Variants in CALD1 observed in about 807,000 individuals in gnomAD.
The protein encoded by CALD1 is caldesmon 1.
Under a neutral mutation model 99.9 loss-of-function variants are expected in CALD1, and 33 were observed. The observed-to-expected ratio is 0.33, with a 90% CI of 0.25 to 0.44. The LOEUF is 0.44. Ranked by LOEUF, CALD1 falls within the 20% of genes least tolerant of loss-of-function variation. The probability of loss-of-function intolerance (pLI) is 1.00; values close to 1 mark genes in which losing one functional copy is unlikely to be tolerated. For missense variants in CALD1, 861 were observed against 962.1 expected, an observed-to-expected ratio of 0.89 and a Z score of 1.39; for synonymous variants, 310 against 325.0, an observed-to-expected ratio of 0.95 and a Z score of 0.50.
rs376713787 is a variant in CALD1, at chr7:134,873,175, AAAAC to A, written c.71+5395_71+5398del. On this transcript the variant is annotated intron_variant, in intron 3 of 14. Transcript: ENST00000361675. ...GCACTACAAGCTGGGCGACAGAGCAAAAACAAACAAACAAACAAACAAACAAAAC... is the reference window on the plus strand; with the variant it reads ...GCACTACAAGCTGGGCGACAGAGCAAAAACAAACAAACAAACAAACAAAAC... 5.1e-3 allele frequency among the ~76,000 whole-genome samples: 770 copies of A among 151,036 alleles called. 5 individuals carry two copies. The highest frequency in any genetic ancestry group is 0.014 in the South Asian group (64 of 4,732).
At chr7:134,863,953 AAG>A (rs1402810724) in intron 2 of CALD1, among the ~76,000 whole-genome samples, 1 of 152,174 alleles carries the variant, frequency 6.6e-6, no homozygotes, top group Non-Finnish European at 1.5e-5. Context: ...AAGGAAAGGA[AAG>A]AGAGGAAAGT....
At chr7:134,891,764 AAAAAT>A in intron 3 of CALD1, 2 of 940,972 alleles carry the variant, frequency 2.1e-6, no homozygotes, top group East Asian at 6.3e-5. Context: ...AAAAAAAAAA[AAAAAT>A]GTGGGAGTGG....
At chr7:134,938,011 G>A (rs1806127288) in intron 6 of CALD1, among the ~76,000 whole-genome samples, 1 of 152,198 alleles carries the variant, frequency 6.6e-6, no homozygotes, top group Non-Finnish European at 1.5e-5. Flanking sequence ...TAAAAGTGAT[G>A]TTCGTGTCAT....
intron 6 of CALD1, among the ~76,000 whole-genome samples, 172 bp from the exon 7 acceptor site, chr7:134,940,920 A>T (rs1806376047): frequency 6.6e-6 from 1 of 152,188 alleles, no homozygotes; most frequent in South Asian, 2.1e-4. Flanking sequence ...AGGCTAAAGG[A>T]CCATAGCTCA....
rs1225140029 is a variant in CALD1 at position 134,933,416 on chromosome 7, C to T, written c.647C>T (p.Thr216Ile). The change falls in exon 5 of 15, where the codon ACA (threonine) becomes ATA (isoleucine). Residue 216 changes from threonine to isoleucine, a missense_variant. Around this residue, in one of 5 missense-constraint regions of CALD1, gnomAD observed 234 missense variants for 233.1 expected, o/e 1.00. Coordinates refer to ENST00000361675, the MANE Select transcript of CALD1 (RefSeq NM_033138.4). The stretch of plus-strand genomic sequence containing the variant: ...GTAGAGGTGATGGTGGAAGAGAAAA[C>T]AACTGAAAGCCAGGAGGAAACAGTG... ...NQVEVMVEEK[T>I]TESQEETVVM... 3 of 1,613,134 alleles carry T rather than the reference C, an allele frequency of 1.9e-6. No individual in the cohort carries two copies. The highest frequency in any genetic ancestry group is 2.5e-6 in the Non-Finnish European group (3 of 1,179,578).
At chr7:134,728,929 G>A in the CALD1 span, among the ~76,000 whole-genome samples, 1 of 142,588 alleles carries the variant, frequency 7.0e-6, no homozygotes, top group Non-Finnish European at 1.5e-5. Context: ...TCGGCTCACT[G>A]CAACTTCCTC....
intron 3 of CALD1, among the ~76,000 whole-genome samples, chr7:134,905,252 A>G (rs1247319844): frequency 6.6e-6 from 1 of 152,138 alleles, no homozygotes; most frequent in African/African-American, 2.4e-5. Context: ...CATGATGATG[A>G]TGATAAAATT....
At chr7:134,888,564 T>C (rs1180414048) in intron 3 of CALD1, among the ~76,000 whole-genome samples, 2 of 152,214 alleles carry the variant, frequency 1.3e-5, no homozygotes, top group South Asian at 2.1e-4. Context: ...CCAGCCCTGC[T>C]CTCAGCTCAT....
At chr7:134,926,750 G>A (rs111279248) in intron 3 of CALD1, among the ~76,000 whole-genome samples, 13 of 152,128 alleles carry the variant, frequency 8.5e-5, no homozygotes, top group African/African-American at 3.1e-4. Flanking sequence ...CTACTGTTTT[G>A]TTTTAATTTG....
At chr7:134,750,979 C>T (rs901901184) in intron 1 of CALD1, among the ~76,000 whole-genome samples, 4 of 152,180 alleles carry the variant, frequency 2.6e-5, no homozygotes, top group Non-Finnish European at 5.9e-5. Flanking sequence ...TTCTCCATCA[C>T]TGTATTTTAA....
chr7:134,733,668 G>A, the CALD1 span, among the ~76,000 whole-genome samples: 1 of 151,892 alleles, frequency 6.6e-6, no homozygotes, highest in Admixed American at 6.6e-5. Flanking sequence ...AATTAGCCGG[G>A]CGTGGTGGTG....
chr7:134,791,655 G>C (rs1017284870), intron 1 of CALD1, among the ~76,000 whole-genome samples: 2 of 148,400 alleles, frequency 1.3e-5, no homozygotes, highest in Non-Finnish European at 3.0e-5. Context: ...GTGTCCCCAG[G>C]GAAATGAAAA....
chr7:134,880,267 A>G (rs1801535799), intron 3 of CALD1, among the ~76,000 whole-genome samples: 1 of 152,240 alleles, frequency 6.6e-6, no homozygotes. Context: ...CTAGGTAATG[A>G]AAGAGTCCTT....
intron 1 of CALD1, among the ~76,000 whole-genome samples, chr7:134,831,444 G>A (rs1263199935): frequency 1.3e-5 from 2 of 151,870 alleles, no homozygotes; most frequent in Non-Finnish European, 2.9e-5. Flanking sequence ...TCAGCCTCCC[G>A]AGTAGCTGGG....
intron 2 of CALD1, among the ~76,000 whole-genome samples, chr7:134,849,422 A>G (rs758763252): frequency 6.6e-6 from 1 of 152,144 alleles, no homozygotes; most frequent in Non-Finnish European, 1.5e-5. Flanking sequence ...ACCAAAATAT[A>G]CTGATGCTCA....
rs1797027097 is a variant in CALD1 at position 134,779,674 on chromosome 7, C to G, written c.-205C>G. On this transcript the variant is annotated 5_prime_UTR_variant, in exon 1 of 15. Coordinates refer to ENST00000361675, the MANE Select transcript of CALD1 (RefSeq NM_033138.4). ...GCCTGCCTGCCCGCCTGCTTGCTCT[C>G]TGGCTGTGCTCCTGCTTAAAGAAAT... 1 of 398,692 alleles carries G rather than the reference C, an allele frequency of 2.5e-6. No homozygotes were observed. The highest frequency in any genetic ancestry group is 4.4e-6 in the Non-Finnish European group (1 of 226,248). 24.7% of individuals were successfully genotyped at this position (398,692 alleles called of 1,614,324 possible). A position where few individuals can be genotyped will look rare whatever the true frequency, so the allele number is the denominator to read the frequency against.
At chr7:134,790,827 G>C (rs1797499405) in intron 1 of CALD1, among the ~76,000 whole-genome samples, 1 of 152,152 alleles carries the variant, frequency 6.6e-6, no homozygotes, top group South Asian at 2.1e-4. Context: ...GGCACTAAAG[G>C]ATTCAACTAC....
At chr7:134,876,694 T>C (rs753691770) in intron 3 of CALD1, among the ~76,000 whole-genome samples, 2 of 152,248 alleles carry the variant, frequency 1.3e-5, no homozygotes, top group South Asian at 2.1e-4. Context: ...ATTTGGTATA[T>C]GTTGTGTTAG....
At chr7:134,815,305 G>A (rs528290528) in intron 1 of CALD1, among the ~76,000 whole-genome samples, 91 of 152,272 alleles carry the variant, frequency 6.0e-4, no homozygotes, top group African/African-American at 1.8e-3. Flanking sequence ...CAAAGAACAA[G>A]AAGAGATGAA....
Sources: gnomAD v4.1 joint callset for allele counts (sites outside exome capture counted in the v4.1 genomes callset) on GRCh38, gnomAD v4.1.1 for gene constraint, gnomAD v4.1.1 regional missense constraint, MANE v1.5 for transcripts, NCBI Gene and HGNC (gene_info 2026-07-23, HGNC 2026-07-21) for gene names.